Variants in LMX1B observed in about 807,000 individuals in gnomAD.
LMX1B encodes LIM homeobox transcription factor 1 beta.
In LMX1B, 12 loss-of-function variants were observed where a neutral mutation model predicts 51.4. That is an observed-to-expected ratio of 0.23 (90% CI 0.15 to 0.38). LMX1B has a LOEUF of 0.38. LMX1B is among the 10% of genes least tolerant of loss of function. The pLI, the probability that LMX1B is intolerant of heterozygous loss-of-function variation, is 1.00. For synonymous variants in LMX1B, 237 were observed against 235.4 expected, an observed-to-expected ratio of 1.01 and a Z score of -0.06; for missense variants, 445 against 571.1, an observed-to-expected ratio of 0.78 and a Z score of 2.25.
chr9:126,661,959 G>A (rs979364218), intron 2 of LMX1B, among the ~76,000 whole-genome samples: 14 of 152,228 alleles, frequency 9.2e-5, no homozygotes, highest in Admixed American at 7.9e-4. Context: ...ACAATGCAGG[G>A]ATTGTGGAGG....
intron 2 of LMX1B, among the ~76,000 whole-genome samples, chr9:126,630,522 A>G (rs1313860746): frequency 6.6e-6 from 1 of 152,184 alleles, no homozygotes; most frequent in African/African-American, 2.4e-5. Flanking sequence ...CAGGGGAGGA[A>G]ATTAAAGCAC....
intron 2 of LMX1B, among the ~76,000 whole-genome samples, chr9:126,667,096 G>A (rs1407363874): frequency 6.6e-6 from 1 of 152,140 alleles, no homozygotes; most frequent in South Asian, 2.1e-4. Context: ...GTATTCATCC[G>A]TTCCCTCACC....
intron 2 of LMX1B, among the ~76,000 whole-genome samples, chr9:126,637,065 A>G (rs544690221): frequency 6.6e-6 from 1 of 152,322 alleles, no homozygotes; most frequent in East Asian, 1.9e-4. Context: ...CCACCAGCAT[A>G]AGCTCTGCTT....
intron 2 of LMX1B, among the ~76,000 whole-genome samples, chr9:126,623,429 G>C (rs777988159): frequency 2.6e-5 from 4 of 152,220 alleles, no homozygotes; most frequent in Non-Finnish European, 5.9e-5. Context: ...ATTGGCGTTT[G>C]TTGAGCCCCT....
At chr9:126,614,669 C>T in intron 1 of LMX1B, 81 bp downstream of exon 1, 1 of 1,377,318 alleles carries the variant, frequency 7.3e-7, no homozygotes, top group South Asian at 1.5e-5. Context: ...GCGTTGGGGC[C>T]AACGGATAAA....
intron 2 of LMX1B, among the ~76,000 whole-genome samples, chr9:126,623,467 A>G (rs1182465195): frequency 6.6e-6 from 1 of 152,166 alleles, no homozygotes; most frequent in African/African-American, 2.4e-5. Flanking sequence ...TACCGTCCCA[A>G]CCCTGTGGTT....
Position 126,693,416 on chromosome 9 carries a change from C to T in LMX1B, c.741+93C>T, listed in dbSNP as rs570158904. ...CCCCTGCTCCTGCTGGGGGTAGGGACATCCCTCCATCCTCCATCTCTCCGC... is the reference window on the plus strand; with the variant it reads ...CCCCTGCTCCTGCTGGGGGTAGGGATATCCCTCCATCCTCCATCTCTCCGC... On this transcript the variant is annotated intron_variant, in intron 4 of 7. Coordinates refer to ENST00000373474, the MANE Select transcript of LMX1B (RefSeq NM_001174147.2). 1.2e-5 allele frequency: 18 copies of T among 1,528,220 alleles called. No individual in the cohort carries two copies. The African/African-American group carries it at 2.5e-4, about 21-fold the overall frequency. 94.7% of individuals were successfully genotyped at this position (1,528,220 alleles called of 1,614,324 possible).
intron 2 of LMX1B, among the ~76,000 whole-genome samples, chr9:126,665,359 C>T (rs755775070): frequency 2.6e-5 from 4 of 152,132 alleles, no homozygotes; most frequent in African/African-American, 7.2e-5. Context: ...ATTCCGCAGC[C>T]CTGCTAACCG....
rs543263112 is a variant in LMX1B at position 126,645,487 on chromosome 9, T to A, written c.326+29918T>A. On this transcript the variant is annotated intron_variant, in intron 2 of 7. Coordinates refer to ENST00000373474, the MANE Select transcript of LMX1B (RefSeq NM_001174147.2). ...CTTGCAAGGGACATCGTTCCCAAGC[T>A]GAGCACAGACTGAATTTCAACCCAC... Among the ~76,000 whole-genome samples, 6 of 152,342 alleles carry A rather than the reference T, an allele frequency of 3.9e-5. No homozygotes were observed. The South Asian group carries it at 1.2e-3, about 32-fold the overall frequency.
At chr9:126,663,439 GA>G (rs954421955) in intron 2 of LMX1B, among the ~76,000 whole-genome samples, 17 of 140,432 alleles carry the variant, frequency 1.2e-4, no homozygotes, top group South Asian at 2.3e-4. Flanking sequence ...AAAAAAAAAA[GA>G]AAAAAAAAAG....
intron 2 of LMX1B, among the ~76,000 whole-genome samples, chr9:126,619,094 C>T (rs1380569922): frequency 6.6e-6 from 1 of 152,212 alleles, no homozygotes; most frequent in African/African-American, 2.4e-5. Flanking sequence ...GATGTGCCTA[C>T]GTTGGCAGCA....
intron 3 of LMX1B, among the ~76,000 whole-genome samples, chr9:126,692,136 C>G (rs2030155161): frequency 6.6e-6 from 1 of 152,210 alleles, no homozygotes; most frequent in Non-Finnish European, 1.5e-5. Context: ...CCAGGGCCTG[C>G]GTGGAGGCAG....
intron 2 of LMX1B, among the ~76,000 whole-genome samples, chr9:126,670,304 A>T (rs1460571403): frequency 6.6e-6 from 1 of 152,248 alleles, no homozygotes; most frequent in Non-Finnish European, 1.5e-5. Context: ...GTGCATGTGC[A>T]TGTACAAATG....
intron 2 of LMX1B, among the ~76,000 whole-genome samples, chr9:126,647,196 G>A (rs1178364968): frequency 6.6e-6 from 1 of 151,822 alleles, no homozygotes; most frequent in Non-Finnish European, 1.5e-5. Context: ...CTGAGCAACA[G>A]AGTGAGACTC....
intron 2 of LMX1B, among the ~76,000 whole-genome samples, chr9:126,668,153 T>C (rs776711546): frequency 6.6e-6 from 1 of 152,016 alleles, no homozygotes; most frequent in Non-Finnish European, 1.5e-5. Flanking sequence ...ACTTTGGTGT[T>C]TGGGGCTCAG....
chr9:126,642,226 C>T (rs994448000), intron 2 of LMX1B, among the ~76,000 whole-genome samples: 1 of 152,180 alleles, frequency 6.6e-6, no homozygotes, highest in Non-Finnish European at 1.5e-5. Context: ...TTCCTGAGCA[C>T]GCAGCTGGCT....
Position 126,697,864 on chromosome 9 carries a change from G to GTT in LMX1B, c.*1416_*1417dup, listed in dbSNP as rs1333294075. 6.4e-6 allele frequency: 1 copy of GTT among 155,690 alleles called. No individual in the cohort carries two copies. The highest frequency in any genetic ancestry group is 1.9e-4 in the East Asian group (1 of 5,360). 9.6% of individuals were successfully genotyped at this position (155,690 alleles called of 1,614,324 possible). ...GTTTTGTTTTGTTTTGTTTTGTTTT[G>GTT]TTTTGTTTTGTTTTGTTTTGTTTTG... On this transcript the variant is annotated 3_prime_UTR_variant, in exon 8 of 8. Coordinates refer to ENST00000373474, the MANE Select transcript of LMX1B (RefSeq NM_001174147.2).
intron 2 of LMX1B, among the ~76,000 whole-genome samples, chr9:126,683,707 G>A (rs1022746661): frequency 6.6e-6 from 1 of 152,218 alleles, no homozygotes; most frequent in African/African-American, 2.4e-5. Context: ...TAGGGAGGAG[G>A]TGTGACACAG....
chr9:126,642,777 G>A (rs1835832043), intron 2 of LMX1B, among the ~76,000 whole-genome samples: 1 of 152,242 alleles, frequency 6.6e-6, no homozygotes, highest in Non-Finnish European at 1.5e-5. Context: ...GCATGAGACA[G>A]ACTACCTTTC....
Sources: allele counts gnomAD v4.1 joint callset (sites outside exome capture counted in the v4.1 genomes callset), GRCh38; gene constraint gnomAD v4.1.1; transcripts MANE v1.5; gene names NCBI Gene and HGNC (gene_info 2026-07-23, HGNC 2026-07-21).